Variants in MROH9 observed in about 807,000 individuals in gnomAD.
MROH9 encodes maestro heat like repeat family member 9, also known as maestro heat-like repeat-containing protein family member 9.
A neutral mutation model predicts 98.2 loss-of-function variants in MROH9; 92 were observed. The observed-to-expected ratio is 0.94, with a 90% confidence interval of 0.79 to 1.11. MROH9 has a LOEUF of 1.11. Ranked by LOEUF, MROH9 falls within the 50% of genes most tolerant of loss-of-function variation. The pLI, the probability that MROH9 is intolerant of heterozygous loss-of-function variation, is 0.00. For synonymous variants in MROH9, 397 were observed against 368.9 expected, an observed-to-expected ratio of 1.08 and a Z score of -0.87; for missense variants, 1,057 against 1,014.8, an observed-to-expected ratio of 1.04 and a Z score of -0.57.
chr1:171,012,748 C>T (rs968379998), intron 15 of MROH9, among the ~76,000 whole-genome samples: 6 of 152,066 alleles, frequency 3.9e-5, no homozygotes, highest in Non-Finnish European at 7.4e-5. Flanking sequence ...CATGATCCGC[C>T]CGCCTTGGCC....
chr1:170,961,836 T>G, intron 5 of MROH9, 54 bp from the exon 6 acceptor site: 1 of 858,560 alleles, frequency 1.2e-6, no homozygotes, highest in Non-Finnish European at 1.7e-6. Context: ...ACTGTAGACA[T>G]TAGGTAAAAT....
intron 15 of MROH9, among the ~76,000 whole-genome samples, chr1:171,001,741 A>G (rs114828407): frequency 1.5e-3 from 225 of 152,300 alleles, no homozygotes; most frequent in African/African-American, 5.1e-3. Context: ...TACTCTGTAT[A>G]TATCAGTTAA....
At chr1:171,037,789 A>G (rs906369392) in intron 20 of MROH9, among the ~76,000 whole-genome samples, 11 of 151,852 alleles carry the variant, frequency 7.2e-5, no homozygotes, top group African/African-American at 2.7e-4. Context: ...CTAAACATGC[A>G]ATATTTTAGA....
intron 20 of MROH9, among the ~76,000 whole-genome samples, chr1:171,037,869 T>A (rs534390005): frequency 6.6e-6 from 1 of 152,078 alleles, no homozygotes; most frequent in Non-Finnish European, 1.5e-5. Flanking sequence ...TTGGGACACC[T>A]GCTGAGCCAT....
In MROH9 at chr1:170,995,443, G is replaced by A. The variant is rs774034677; in HGVS notation, c.1249G>A (p.Ala417Thr). The change falls in exon 13 of 22, where the codon GCC (alanine) becomes ACC (threonine). Residue 417 changes from alanine to threonine, a missense_variant. Transcript: ENST00000367759. The stretch of plus-strand genomic sequence containing the variant: ...TCTTGGTTCCTACAGGAAAGCGGTG[G>A]CCCAGTATTTCCCCCAGCTCTTGAC... ...LPLGSYRKAVAQYFPQLLTTL... is the reference protein window; with the variant it reads ...LPLGSYRKAVTQYFPQLLTTL... The A allele has an allele frequency of 1.9e-6, 3 of 1,613,256 alleles. No individual in the cohort carries two copies. The highest frequency in any genetic ancestry group is 2.7e-5 in the African/African-American group (2 of 74,844).
chr1:171,056,588 G>A (rs1450207710), intron 20 of MROH9, among the ~76,000 whole-genome samples: 1 of 148,992 alleles, frequency 6.7e-6, no homozygotes, highest in Admixed American at 6.7e-5. Flanking sequence ...AGATGAGTGG[G>A]TTTCCCCCTA....
At chr1:170,969,949 C>T (rs918053889) in intron 7 of MROH9, among the ~76,000 whole-genome samples, 4 of 152,104 alleles carry the variant, frequency 2.6e-5, no homozygotes, top group Non-Finnish European at 5.9e-5. Flanking sequence ...GTGTGCTCCA[C>T]GATCCACGCT....
chr1:170,986,841 A>C, intron 10 of MROH9, 131 bp downstream of exon 10: 4 of 1,080,888 alleles, frequency 3.7e-6, no homozygotes, highest in Non-Finnish European at 5.2e-6. Flanking sequence ...CAATATAATG[A>C]GGCTTTTGGT....
chr1:170,974,315 C>T (rs1324093003), intron 8 of MROH9, among the ~76,000 whole-genome samples: 1 of 151,910 alleles, frequency 6.6e-6, no homozygotes, highest in African/African-American at 2.4e-5. Flanking sequence ...CACTGAAAAG[C>T]TCAGCAGAGA....
intron 17 of MROH9, among the ~76,000 whole-genome samples, chr1:171,018,616 A>G (rs1285364621): frequency 1.3e-5 from 2 of 152,214 alleles, no homozygotes; most frequent in African/African-American, 2.4e-5. Flanking sequence ...TCTGAGCTAA[A>G]GGAGCACGTT....
Position 170,983,538 on chromosome 1 carries a change from A to G in MROH9, c.729+4A>G. 6.4e-7 allele frequency: 1 copy of G among 1,555,372 alleles called. No homozygotes were observed. Among genetic ancestry groups the G allele is most frequent in the Non-Finnish European group, 8.9e-7 (1 of 1,128,066 alleles). On this transcript the variant is annotated splice_donor_region_variant and intron_variant, in intron 9 of 21. Transcript: ENST00000367759. ...AGACGAAAGTAAAATAGCTCAGGTAACTTAGCCCCCACTTTTTCCGAGGGC... is the reference window on the plus strand; with the variant it reads ...AGACGAAAGTAAAATAGCTCAGGTAGCTTAGCCCCCACTTTTTCCGAGGGC...
intron 3 of MROH9, among the ~76,000 whole-genome samples, chr1:170,951,998 A>C (rs1220839691): frequency 1.3e-5 from 2 of 152,066 alleles, no homozygotes; most frequent in Non-Finnish European, 2.9e-5. Flanking sequence ...CACATGAAAA[A>C]ATGCTCATCA....
At chr1:170,972,856 AC>A (rs1650521737) in intron 8 of MROH9, among the ~76,000 whole-genome samples, 1 of 151,152 alleles carries the variant, frequency 6.6e-6, no homozygotes, top group Non-Finnish European at 1.5e-5. Context: ...ACACACACAC[AC>A]ACAGAGTTTT....
In MROH9 at chr1:170,978,635, G is replaced by A. The variant is rs572649230; in HGVS notation, c.617-4787G>A. 7.2e-5 allele frequency among the ~76,000 whole-genome samples: 11 copies of A among 152,232 alleles called. No homozygotes were observed. In the East Asian group the frequency reaches 7.7e-4, roughly 11 times the overall value. On this transcript the variant is annotated intron_variant, in intron 8 of 21. Transcript: ENST00000367759. ...GGAGTACTACTGCAATTGCAGTCGC[G>A]GAGGTATTGTGGGTTGACTCTGGGA...
intron 20 of MROH9, among the ~76,000 whole-genome samples, chr1:171,055,105 T>G (rs1045595858): frequency 2.0e-5 from 3 of 150,960 alleles, no homozygotes; most frequent in African/African-American, 7.3e-5. Context: ...AATATAAAAC[T>G]GGCCTAAATG....
chr1:171,055,124 T>C (rs1015754752), intron 20 of MROH9, among the ~76,000 whole-genome samples: 7 of 151,650 alleles, frequency 4.6e-5, no homozygotes, highest in African/African-American at 1.5e-4. Context: ...TGTCCGTCAA[T>C]CAACAAATGG....
chr1:171,055,777 T>A (rs190233140), intron 20 of MROH9, among the ~76,000 whole-genome samples: 6 of 152,084 alleles, frequency 3.9e-5, no homozygotes, highest in African/African-American at 7.2e-5. Flanking sequence ...CCATAATAAG[T>A]GCATTAATCT....
At chr1:170,981,129 T>C (rs1041919769) in intron 8 of MROH9, among the ~76,000 whole-genome samples, 1 of 152,054 alleles carries the variant, frequency 6.6e-6, no homozygotes, top group Admixed American at 6.6e-5. Flanking sequence ...AGATGGAGGA[T>C]GTGGAGCAAT....
chr1:171,018,159 G>T (rs1652391889), intron 17 of MROH9, among the ~76,000 whole-genome samples: 1 of 151,948 alleles, frequency 6.6e-6, no homozygotes, highest in South Asian at 2.1e-4. Flanking sequence ...CATCAGGTTG[G>T]TGCCCCTCGA....
Sources: gnomAD v4.1 joint callset for allele counts (sites outside exome capture counted in the v4.1 genomes callset) on GRCh38, gnomAD v4.1.1 for gene constraint, MANE v1.5 for transcripts, NCBI Gene and HGNC (gene_info 2026-07-23, HGNC 2026-07-21) for gene names.